ZNF333: variants seen among roughly 807,000 people sequenced by gnomAD.
ZNF333 encodes the protein zinc finger protein 333.
ZNF333 carries 61 observed loss-of-function variants against 76.1 expected under a neutral mutation model. The observed-to-expected ratio is 0.80, with a 90% CI of 0.65 to 0.99. The LOEUF (loss-of-function observed/expected upper bound fraction) is 0.99, where lower values mean the gene tolerates loss of function less well. Ranked by LOEUF, ZNF333 falls within the 50% of genes least tolerant of loss-of-function variation. The probability of loss-of-function intolerance (pLI) is 0.00; values close to 1 mark genes in which losing one functional copy is unlikely to be tolerated. For missense variants in ZNF333, 717 were observed against 822.4 expected (o/e 0.87, Z 1.57); for synonymous variants, 284 against 305.0 (o/e 0.93, Z 0.72).
chr19:14,727,275 G>T (rs191217416), intron 11 of ZNF333, among the ~76,000 whole-genome samples: 1 of 152,050 alleles, frequency 6.6e-6, no homozygotes, highest in Non-Finnish European at 1.5e-5. Context: ...TGATCCGCCC[G>T]CCTTGGCCTC....
chr19:14,695,727 C>A, intron 4 of ZNF333, 66 bp downstream of exon 4: 2 of 1,443,824 alleles, frequency 1.4e-6, no homozygotes, highest in Non-Finnish European at 1.9e-6. Flanking sequence ...TGGGAAGTGT[C>A]AAGAGCATTT....
downstream of ZNF333, among the ~76,000 whole-genome samples, chr19:14,726,803 C>G (rs1033344720): frequency 2.6e-5 from 4 of 152,274 alleles, no homozygotes; most frequent in South Asian, 6.2e-4. Context: ...CTGTCCATAT[C>G]TCTACCAGTA....
Position 14,719,736 on chromosome 19 carries a change from T to C in ZNF333, c.*411T>C, listed in dbSNP as rs182540746. 2.7e-5 allele frequency: 27 copies of C among 1,000,338 alleles called. No homozygotes were observed. The highest frequency in any genetic ancestry group is 1.0e-3 in the Middle Eastern group (2 of 1,948). 62.0% of individuals were successfully genotyped at this position (1,000,338 alleles called of 1,614,324 possible). On this transcript the variant is annotated 3_prime_UTR_variant, in exon 12 of 12. Transcript: ENST00000292530. ...ATTTAATTACATGGTGAGAAGAGTA[T>C]GTGGCCTCTTTGTTACTGAGTCATA...
intron 6 of ZNF333, 76 bp downstream of exon 6, chr19:14,705,246 T>C: frequency 7.9e-7 from 1 of 1,267,620 alleles, no homozygotes; most frequent in Non-Finnish European, 1.1e-6. Flanking sequence ...GTCTGTAAAT[T>C]GGGGGAGGGG....
intron 4 of ZNF333, among the ~76,000 whole-genome samples, chr19:14,698,373 C>CAA (rs35567352): frequency 2.5e-4 from 17 of 67,428 alleles, no homozygotes; most frequent in Non-Finnish European, 3.6e-4. Context: ...GACTCCGTCT[C>CAA]AAAAAAAAAA....
At chr19:14,694,967 T>A in intron 2 of ZNF333, 43 bp from the exon 3 acceptor site, 7 of 1,612,368 alleles carry the variant, frequency 4.3e-6, no homozygotes, top group Non-Finnish European at 5.9e-6. Flanking sequence ...TGCTCAGTGG[T>A]GGGGGTGGTA....
intron 4 of ZNF333, among the ~76,000 whole-genome samples, chr19:14,698,911 T>G (rs1235923817): frequency 1.4e-3 from 28 of 20,390 alleles, no homozygotes; most frequent in Admixed American, 0.01. Flanking sequence ...TATATATATA[T>G]ATATATATAT....
At chr19:14,717,549 G>T in intron 10 of ZNF333, 108 bp from the exon 11 acceptor site, 1 of 902,096 alleles carries the variant, frequency 1.1e-6, no homozygotes, top group Non-Finnish European at 1.8e-6. Context: ...CATAGGACCA[G>T]TATTTGGGAA....
At chr19:14,695,385 G>A (rs949945183) in intron 3 of ZNF333, among the ~76,000 whole-genome samples, 181 bp from the exon 4 acceptor site, 5 of 152,262 alleles carry the variant, frequency 3.3e-5, no homozygotes, top group African/African-American at 1.2e-4. Context: ...GGTGTTTGTG[G>A]GTTGGGTCCT....
chr19:14,710,097 A>G lies in ZNF333; in HGVS notation c.511+3324A>G, dbSNP rs143202564. Among the ~76,000 whole-genome samples, 320 of 152,246 alleles carry G rather than the reference A, an allele frequency of 2.1e-3. 1 individual carries two copies. The highest frequency in any genetic ancestry group is 7.5e-3 in the African/African-American group (311 of 41,538). The stretch of plus-strand genomic sequence containing the variant: ...GTGTGAAGGCAGCAGGGAGAAGTGG[A>G]GAGAGAGTGGTGTGAGCTGACTGAA... On this transcript the variant is annotated intron_variant, in intron 7 of 11. Transcript: ENST00000292530.
downstream of ZNF333, among the ~76,000 whole-genome samples, chr19:14,722,855 G>A (rs2042606511): frequency 6.6e-6 from 1 of 152,144 alleles, no homozygotes; most frequent in Admixed American, 6.5e-5. Flanking sequence ...GCGCAATCTT[G>A]GCTTACCGCA....
chr19:14,696,262 T>C (rs76123473), intron 4 of ZNF333, among the ~76,000 whole-genome samples: 2,010 of 152,226 alleles, frequency 0.013, 36 homozygotes, highest in African/African-American at 0.045. Context: ...TTCACAACCT[T>C]GTGTAAACAT....
At position 14,721,337 on chromosome 19, in the gene ZNF333, T is replaced by C. The variant is rs1322410915; in HGVS notation, c.*2012T>C. ...AAAGTTCTCTTAGGTATAACTTACA[T>C]AAACGTTAATAAATCTTAGGGTACA... On this transcript the variant is annotated 3_prime_UTR_variant, in exon 12 of 12. Coordinates refer to ENST00000292530, the MANE Select transcript of ZNF333 (RefSeq NM_032433.4). 1.5e-5 allele frequency: 2 copies of C among 129,586 alleles called. No individual in the cohort carries two copies. The highest frequency in any genetic ancestry group is 5.6e-5 in the African/African-American group (2 of 35,616). The allele number at this position is 129,586 out of a possible 1,614,324, so 8.0% of individuals were successfully genotyped here. A position where few individuals can be genotyped will look rare whatever the true frequency, so the allele number is the denominator to read the frequency against.
downstream of ZNF333, among the ~76,000 whole-genome samples, chr19:14,725,437 C>T (rs2042627485): frequency 6.6e-6 from 1 of 152,148 alleles, no homozygotes; most frequent in Non-Finnish European, 1.5e-5. Flanking sequence ...CTAAATACCT[C>T]CCCAAAGTCA....
At chr19:14,705,935 A>G (rs1668850955) in intron 6 of ZNF333, among the ~76,000 whole-genome samples, 1 of 152,124 alleles carries the variant, frequency 6.6e-6, no homozygotes, top group Admixed American at 6.5e-5. Flanking sequence ...CTGCTGCTGT[A>G]AGGCACGTCC....
At chr19:14,717,390 T>C in intron 10 of ZNF333, 1 of 550,070 alleles carries the variant, frequency 1.8e-6, no homozygotes. Context: ...TCAACATTAG[T>C]CACAATCTTT....
exon 12 of ZNF333, chr19:14,731,647 T>TAA (rs143619378): frequency 0.17 from 26,537 of 155,710 alleles, 2,496 homozygotes; most frequent in East Asian, 0.24. Flanking sequence ...AACTCTACCT[T>TAA]AAAGCCGTAT....
downstream of ZNF333, among the ~76,000 whole-genome samples, chr19:14,726,729 A>G (rs2042634955): frequency 6.6e-6 from 1 of 152,184 alleles, no homozygotes; most frequent in South Asian, 2.1e-4. Flanking sequence ...GGGAATAACA[A>G]GGCTGACCTT....
chr19:14,718,247 A>G lies in ZNF333; in HGVS notation c.920A>G (p.Glu307Gly). Residue 307 changes from glutamate to glycine, a missense_variant, in exon 12 of 12, where the codon GAA becomes GGA. Physicochemically the swap from Glu to Gly is moderately conservative, Grantham distance 98 (BLOSUM62 -2). Transcript: ENST00000292530. Reference protein sequence around the residue: ...DVKGEQPQPGEKLYKYNELEK... With the variant: ...DVKGEQPQPGGKLYKYNELEK... ...CGACAGGAGCAACCTCAGCCTGGAG[A>G]AAAACTCTATAAATATAATGAACTT... The G allele has an allele frequency of 6.2e-7, 1 of 1,609,832 alleles. No individual in the cohort carries two copies. The highest frequency in any genetic ancestry group is 8.5e-7 in the Non-Finnish European group (1 of 1,177,744).
Sources: allele counts gnomAD v4.1 joint callset (sites outside exome capture counted in the v4.1 genomes callset), GRCh38; gene constraint gnomAD v4.1.1; transcripts MANE v1.5; gene names NCBI Gene and HGNC (gene_info 2026-07-23, HGNC 2026-07-21).